The following STPG2 variants were observed in gnomAD, a reference collection of about 807,000 sequenced individuals.
STPG2 encodes sperm tail PG-rich repeat containing 2.
STPG2 carries 56 observed loss-of-function variants against 54.2 expected under a neutral mutation model. The observed-to-expected ratio is 1.03, with a 90% CI of 0.83 to 1.29. The LOEUF is 1.29. STPG2 is among the 50% of genes most tolerant of loss of function. The pLI, the probability that STPG2 is intolerant of heterozygous loss-of-function variation, is 0.00. For missense variants in STPG2, 596 were observed against 544.9 expected, an observed-to-expected ratio of 1.09 and a Z score of -0.93; for synonymous variants, 200 against 181.8, an observed-to-expected ratio of 1.10 and a Z score of -0.81.
At chr4:97,840,667 T>C in intron 9 of STPG2, 106 bp downstream of exon 9, 1 of 1,274,560 alleles carries the variant, frequency 7.8e-7, no homozygotes, top group Admixed American at 2.4e-5. Flanking sequence ...TACATTATTT[T>C]GCTTAACTTT....
At chr4:97,771,990 A>C (rs1233604966) in intron 9 of STPG2, among the ~76,000 whole-genome samples, 1 of 152,220 alleles carries the variant, frequency 6.6e-6, no homozygotes, top group Non-Finnish European at 1.5e-5. Context: ...CTGCAGATGC[A>C]CACTACCCAT....
chr4:97,902,327 C>T (rs745405275), intron 8 of STPG2, among the ~76,000 whole-genome samples: 1 of 152,002 alleles, frequency 6.6e-6, no homozygotes, highest in Non-Finnish European at 1.5e-5. Flanking sequence ...TTAAAAGCTT[C>T]TGCGCTGCAA....
intron 10 of STPG2, among the ~76,000 whole-genome samples, chr4:97,642,833 T>C (rs1402966279): frequency 1.3e-5 from 2 of 151,478 alleles, no homozygotes; most frequent in African/African-American, 4.8e-5. Flanking sequence ...CAATGGAATA[T>C]GTAAACTGAA....
chr4:97,558,227 G>A (rs938887535), downstream of STPG2, among the ~76,000 whole-genome samples: 35 of 152,162 alleles, frequency 2.3e-4, 1 homozygote, highest in African/African-American at 7.5e-4. Context: ...TGCCAGTCTG[G>A]GAAATGTTAC....
At chr4:97,524,428 G>A (rs114156297) in intron 4 of STPG2, among the ~76,000 whole-genome samples, 2,617 of 151,980 alleles carry the variant, frequency 0.017, 67 homozygotes, top group African/African-American at 0.058. Flanking sequence ...ATCTTGATGA[G>A]CAGGATTCAT....
At chr4:97,622,791 A>T (rs1162443724) in intron 10 of STPG2, among the ~76,000 whole-genome samples, 1 of 152,158 alleles carries the variant, frequency 6.6e-6, no homozygotes, top group East Asian at 1.9e-4. Context: ...ATGGGACCAT[A>T]AAAGAGCCCC....
intron 3 of STPG2, among the ~76,000 whole-genome samples, chr4:98,115,090 T>C (rs925721769): frequency 2.0e-5 from 3 of 151,990 alleles, no homozygotes; most frequent in African/African-American, 7.2e-5. Context: ...GTAAATGCTA[T>C]ATTATAATTT....
intron 4 of STPG2, among the ~76,000 whole-genome samples, chr4:97,486,965 G>A (rs2148824905): frequency 6.6e-6 from 1 of 151,244 alleles, no homozygotes; most frequent in Admixed American, 6.6e-5. Context: ...TGAGATTGGA[G>A]ACTATTATTC....
chr4:97,707,897 T>G (rs1440838793), intron 10 of STPG2, among the ~76,000 whole-genome samples: 1 of 152,160 alleles, frequency 6.6e-6, no homozygotes, highest in African/African-American at 2.4e-5. Flanking sequence ...AACAAAATGA[T>G]TTTTAAAAGT....
intron 9 of STPG2, among the ~76,000 whole-genome samples, chr4:97,799,952 C>T (rs1338879848): frequency 2.0e-5 from 3 of 152,112 alleles, no homozygotes; most frequent in Admixed American, 6.5e-5. Flanking sequence ...TCACTGATAC[C>T]CTTCCTTCCA....
chr4:97,678,265 TAATTAATAGATGTA>T (rs1722917198), intron 10 of STPG2, among the ~76,000 whole-genome samples: 1 of 152,166 alleles, frequency 6.6e-6, no homozygotes, highest in Non-Finnish European at 1.5e-5. Flanking sequence ...CACACATAGC[TAATTAATAGATGTA>T]CATTAAATTA....
At position 97,561,488 on chromosome 4, in the gene STPG2, C is replaced by T. The variant is rs141503048; in HGVS notation, c.1321-2371G>A. Among the ~76,000 whole-genome samples, 1,042 of 152,132 alleles carry T rather than the reference C, an allele frequency of 6.8e-3. 5 individuals carry two copies. Among genetic ancestry groups the T allele is most frequent in the African/African-American group, 0.024 (979 of 41,522 alleles). ...ATGACAATTTTGGCTTTTGTTGCCA[C>T]TGCTTTTGGTGTTTTAGACATGAAG... On this transcript the variant is annotated intron_variant, in intron 10 of 10. Transcript: ENST00000295268.
intron 8 of STPG2, among the ~76,000 whole-genome samples, chr4:97,883,448 A>C (rs1487992187): frequency 2.0e-5 from 3 of 152,090 alleles, no homozygotes; most frequent in Admixed American, 6.6e-5. Flanking sequence ...GTTATGACCC[A>C]GATGTTGAAA....
At chr4:98,011,324 T>C (rs901214717) in intron 5 of STPG2, among the ~76,000 whole-genome samples, 1 of 152,210 alleles carries the variant, frequency 6.6e-6, no homozygotes, top group East Asian at 1.9e-4. Context: ...TATTCCATGG[T>C]GTATATGTGC....
At chr4:97,994,807 C>T (rs774222962) in intron 5 of STPG2, among the ~76,000 whole-genome samples, 1 of 152,034 alleles carries the variant, frequency 6.6e-6, no homozygotes, top group Non-Finnish European at 1.5e-5. Context: ...CTTTCAAGAG[C>T]ACATCAGCTG....
intron 10 of STPG2, among the ~76,000 whole-genome samples, chr4:97,630,291 A>G (rs1308044353): frequency 2.6e-5 from 4 of 151,870 alleles, no homozygotes; most frequent in African/African-American, 4.8e-5. Flanking sequence ...AAACAAAACA[A>G]TTGTGGTTAT....
chr4:98,100,662 CTTTTTTTTTTTTTTTT>C (rs1166820709), intron 5 of STPG2, among the ~76,000 whole-genome samples: 1 of 116,810 alleles, frequency 8.6e-6, no homozygotes, highest in Non-Finnish European at 1.7e-5. Context: ...CTTTTTCTTT[CTTTTTTTTTTTTTTTT>C]TTTTTTTTTG....
At chr4:97,566,637 G>T (rs1048397948) in intron 10 of STPG2, among the ~76,000 whole-genome samples, 1 of 152,064 alleles carries the variant, frequency 6.6e-6, no homozygotes, top group Non-Finnish European at 1.5e-5. Flanking sequence ...CAACCCAAAT[G>T]TCCAACAATG....
At chr4:97,699,797 C>T (rs1723704559) in intron 10 of STPG2, among the ~76,000 whole-genome samples, 1 of 152,152 alleles carries the variant, frequency 6.6e-6, no homozygotes, top group South Asian at 2.1e-4. Flanking sequence ...CCCATGAGGC[C>T]ATCAGTGCAG....
Sources: allele counts gnomAD v4.1 joint callset (sites outside exome capture counted in the v4.1 genomes callset), GRCh38; gene constraint gnomAD v4.1.1; transcripts MANE v1.5; gene names NCBI Gene and HGNC (gene_info 2026-07-23, HGNC 2026-07-21).